The following PSMA1 variants were observed in gnomAD, a reference collection of about 807,000 sequenced individuals.
PSMA1 encodes the protein proteasome 20S subunit alpha 1, also known as proteasome subunit alpha type-1.
In PSMA1, 3 loss-of-function variants were observed where a neutral mutation model predicts 38.4. That is an observed-to-expected ratio of 0.08 (90% CI 0.04 to 0.20). PSMA1 has a LOEUF of 0.20. PSMA1 is among the 10% of genes least tolerant of loss of function. PSMA1 has a pLI of 1.00. For missense variants in PSMA1, 227 were observed against 325.3 expected (o/e 0.70, Z 2.32); for synonymous variants, 101 against 107.1 (o/e 0.94, Z 0.35).
chr11:14,513,591 G>A lies in PSMA1; in HGVS notation c.523C>T (p.His175Tyr), dbSNP rs1463693271. 1 of 1,373,182 alleles carries A rather than the reference G, an allele frequency of 7.3e-7. No individual in the cohort carries two copies. Among genetic ancestry groups the A allele is most frequent in the Non-Finnish European group, 9.7e-7 (1 of 1,026,752 alleles). 85.1% of individuals were successfully genotyped at this position (1,373,182 alleles called of 1,614,324 possible). Residue 175 changes from histidine to tyrosine, a missense_variant, in exon 7 of 10, where the codon CAT (histidine) becomes TAT (tyrosine). Physicochemically the swap from His to Tyr is moderately conservative, Grantham distance 83. Coordinates refer to ENST00000396394, the MANE Select transcript of PSMA1 (RefSeq NM_002786.4). The stretch of plus-strand genomic sequence containing the variant: ...TTACACTCCATAAATTCAGACATAT[G>A]TCTCTCCAAGTAAGTACGAGCTGAT... ...SQSARTYLER[H>Y]MSEFMECNLN...
chr11:14,515,800 C>T (rs573125560), intron 4 of PSMA1, among the ~76,000 whole-genome samples: 2 of 151,824 alleles, frequency 1.3e-5, no homozygotes, highest in African/African-American at 2.4e-5. Flanking sequence ...GTGATCCACC[C>T]GCTTCAGCCT....
chr11:14,616,231 G>GT (rs34292683), intron 1 of PSMA1, among the ~76,000 whole-genome samples: 37,850 of 126,602 alleles, frequency 0.3, 7,945 homozygotes, highest in South Asian at 0.42. Flanking sequence ...GATCCCAACA[G>GT]TTTTTTTTTT....
intron 2 of PSMA1, among the ~76,000 whole-genome samples, chr11:14,528,105 A>G (rs1851606390): frequency 6.6e-6 from 1 of 152,100 alleles, no homozygotes; most frequent in African/African-American, 2.4e-5. Flanking sequence ...ACTACTAAAA[A>G]AAAAAAGGGG....
At chr11:14,572,540 T>C (rs899261720) in intron 2 of PSMA1, among the ~76,000 whole-genome samples, 1 of 152,172 alleles carries the variant, frequency 6.6e-6, no homozygotes, top group African/African-American at 2.4e-5. Context: ...TATATAGCAC[T>C]AAATGCCTGC....
At chr11:14,566,586 T>C (rs1228252837) in intron 2 of PSMA1, among the ~76,000 whole-genome samples, 1 of 152,156 alleles carries the variant, frequency 6.6e-6, no homozygotes, top group Non-Finnish European at 1.5e-5. Flanking sequence ...CATTGGCCTG[T>C]TGGGTGTCCT....
At position 14,587,068 on chromosome 11, in the gene PSMA1, C is replaced by T. The variant is rs11023262; in HGVS notation, c.21+23898G>A. Among the ~76,000 whole-genome samples, 735 of 152,240 alleles carry T rather than the reference C, an allele frequency of 4.8e-3. 33 individuals are homozygous for T. In the East Asian group the frequency reaches 0.11, roughly 22 times the overall value. ...TAATATCTTTGCCATTCATCATAGCCCCAAATTAAATGCTATTTAATTTAT... is the reference window on the plus strand; with the variant it reads ...TAATATCTTTGCCATTCATCATAGCTCCAAATTAAATGCTATTTAATTTAT... On this transcript the variant is annotated intron_variant, in intron 2 of 10. Transcript: ENST00000418988.
At chr11:14,512,004 C>T (rs186135154) in intron 7 of PSMA1, among the ~76,000 whole-genome samples, 34 of 152,302 alleles carry the variant, frequency 2.2e-4, no homozygotes, top group Middle Eastern at 6.8e-3. Flanking sequence ...ATTCTGTTCA[C>T]AACAGCACCA....
chr11:14,521,053 G>T (rs1851519896), upstream of PSMA1, among the ~76,000 whole-genome samples: 2 of 150,374 alleles, frequency 1.3e-5, no homozygotes, highest in Admixed American at 6.6e-5. Flanking sequence ...GTACCTGACA[G>T]ATTAGGCCAC....
chr11:14,610,831 T>C, intron 2 of PSMA1: 2 of 854,702 alleles, frequency 2.3e-6, no homozygotes, highest in Non-Finnish European at 3.5e-6. Flanking sequence ...TTTTTCTTTT[T>C]TTCTCTTTTT....
At chr11:14,596,156 A>G (rs1351187352) in intron 2 of PSMA1, among the ~76,000 whole-genome samples, 2 of 152,172 alleles carry the variant, frequency 1.3e-5, no homozygotes, top group Non-Finnish European at 2.9e-5. Context: ...GGCTTGTAGT[A>G]TAGTTTGAAG....
intron 2 of PSMA1, among the ~76,000 whole-genome samples, chr11:14,602,539 T>C (rs1852595513): frequency 6.6e-6 from 1 of 152,086 alleles, no homozygotes; most frequent in Non-Finnish European, 1.5e-5. Context: ...TTCTTGTAAT[T>C]TTACAGTCTA....
Position 14,636,405 on chromosome 11 carries a change from T to G in PSMA1, c.-166+7050A>C, listed in dbSNP as rs1218146813. Among the ~76,000 whole-genome samples the G allele has an allele frequency of 2.0e-5, 3 of 152,356 alleles. No individual in the cohort carries two copies. The East Asian group carries it at 5.8e-4, about 29-fold the overall frequency. On this transcript the variant is annotated intron_variant, in intron 1 of 10. Coordinates refer to the PSMA1 transcript ENST00000418988. ...TCCTGTCTGATTCTCTTTCTAGCTTTGCTACTTCCTTTTCAGTCATTCTTT... is the reference window on the plus strand; with the variant it reads ...TCCTGTCTGATTCTCTTTCTAGCTTGGCTACTTCCTTTTCAGTCATTCTTT...
chr11:14,516,142 G>A (rs542122060), intron 4 of PSMA1, among the ~76,000 whole-genome samples: 5 of 151,482 alleles, frequency 3.3e-5, no homozygotes, highest in Non-Finnish European at 7.4e-5. Context: ...CTCTGGAGGC[G>A]GAGGTTGCAG....
chr11:14,618,357 G>T (rs1252331525), intron 1 of PSMA1, among the ~76,000 whole-genome samples: 1 of 152,138 alleles, frequency 6.6e-6, no homozygotes, highest in Non-Finnish European at 1.5e-5. Context: ...CTGTCAAATT[G>T]CCCTGATATG....
intron 2 of PSMA1, among the ~76,000 whole-genome samples, chr11:14,576,920 T>C (rs1054672244): frequency 3.3e-5 from 5 of 152,238 alleles, no homozygotes; most frequent in Non-Finnish European, 7.3e-5. Context: ...GAGCATGGAA[T>C]GTTCTTCCAT....
At chr11:14,625,658 C>T (rs1256837813) in intron 1 of PSMA1, among the ~76,000 whole-genome samples, 1 of 152,182 alleles carries the variant, frequency 6.6e-6, no homozygotes, top group African/African-American at 2.4e-5. Context: ...GAGGACCTCA[C>T]ATTGGCCTGG....
At chr11:14,511,683 G>C (rs1275251279) in intron 7 of PSMA1, among the ~76,000 whole-genome samples, 1 of 152,154 alleles carries the variant, frequency 6.6e-6, no homozygotes, top group African/African-American at 2.4e-5. Context: ...TCTACAAAAA[G>C]CTGACAGGTA....
At chr11:14,593,613 TGAGAGAGAGAGAGAGAGAGAGA>T (rs59225796) in intron 2 of PSMA1, among the ~76,000 whole-genome samples, 4 of 98,992 alleles carry the variant, frequency 4.0e-5, no homozygotes, top group East Asian at 3.0e-4. Flanking sequence ...GGAGGAAAAA[TGAGAGAGAGAGAGAGAGAGAGA>T]GAGAGAGAGA....
At chr11:14,537,961 G>A (rs989960884) in intron 2 of PSMA1, among the ~76,000 whole-genome samples, 4 of 151,990 alleles carry the variant, frequency 2.6e-5, no homozygotes, top group Non-Finnish European at 5.9e-5. Context: ...CGCCTGCCTC[G>A]GACTCCCAAA....
Sources: allele counts gnomAD v4.1 joint callset (sites outside exome capture counted in the v4.1 genomes callset), GRCh38; gene constraint gnomAD v4.1.1; transcripts MANE v1.5; gene names NCBI Gene and HGNC (gene_info 2026-07-23, HGNC 2026-07-21).